The following CACNG4 variants were observed in gnomAD, a reference collection of about 807,000 sequenced individuals.
CACNG4 encodes the protein calcium voltage-gated channel auxiliary subunit gamma 4.
Under a neutral mutation model 22.9 loss-of-function variants are expected in CACNG4, and 8 were observed. The observed-to-expected ratio is 0.35, with a 90% CI of 0.21 to 0.63. The LOEUF is 0.63. Ranked by LOEUF, CACNG4 falls within the 30% of genes least tolerant of loss-of-function variation. The pLI, the probability that CACNG4 is intolerant of heterozygous loss-of-function variation, is 0.72. For synonymous variants in CACNG4, 188 were observed against 191.9 expected, an observed-to-expected ratio of 0.98 and a Z score of 0.17; for missense variants, 357 against 455.4, an observed-to-expected ratio of 0.78 and a Z score of 1.97.
At chr17:67,024,819 C>A in intron 2 of CACNG4, 41 bp from the exon 3 acceptor site, 1 of 1,461,182 alleles carries the variant, frequency 6.8e-7, no homozygotes, top group Admixed American at 2.4e-5. Context: ...GGCACCTGAT[C>A]TCACTGCCCT....
At position 66,965,028 on chromosome 17, in the gene CACNG4, C is replaced by A; in HGVS notation, c.117C>A (p.His39Gln). ...GTDYWLYSSAHICNGTNLTMD... is the reference protein window; with the variant it reads ...GTDYWLYSSAQICNGTNLTMD... ...ACTACTGGCTGTACTCCAGCGCGCA[C>A]ATCTGCAACGGCACCAACCTGACCA... is the stretch of plus-strand genomic sequence containing the variant. The change falls in exon 1 of 4, where the codon CAC (histidine) becomes CAA (glutamine). Residue 39 changes from histidine to glutamine, a missense_variant. Physicochemically the swap from His to Gln is conservative, Grantham distance 24. This residue lies in a region of CACNG4 where 114 missense variants were observed against 161.6 expected (regional missense o/e 0.71). Coordinates refer to ENST00000262138, the MANE Select transcript of CACNG4 (RefSeq NM_014405.4). 5 of 1,611,316 alleles carry A rather than the reference C, an allele frequency of 3.1e-6. No homozygotes were observed. Among genetic ancestry groups the A allele is most frequent in the Non-Finnish European group, 4.2e-6 (5 of 1,179,224 alleles).
chr17:66,997,914 C>A (rs2035385115), intron 1 of CACNG4, among the ~76,000 whole-genome samples: 2 of 152,030 alleles, frequency 1.3e-5, no homozygotes, highest in African/African-American at 4.8e-5. Context: ...AAGCTGCACA[C>A]CCCTGAGAAG....
chr17:67,002,274 A>G lies in CACNG4; in HGVS notation c.221-15915A>G, dbSNP rs2035412871. Among the ~76,000 whole-genome samples, 8 of 152,204 alleles carry G rather than the reference A, an allele frequency of 5.3e-5. 1 individual carries two copies. In the South Asian group the frequency reaches 1.7e-3, roughly 32 times the overall value. On this transcript the variant is annotated intron_variant, in intron 1 of 3. Transcript: ENST00000262138. ...ATCAGATCTAATAGACTTATTCACT[A>G]TCACGAGAACAGCATGGGAAAGACC...
intron 3 of CACNG4, among the ~76,000 whole-genome samples, chr17:67,028,628 G>A (rs758353157): frequency 1.8e-4 from 27 of 152,192 alleles, no homozygotes; most frequent in Non-Finnish European, 3.8e-4. Flanking sequence ...TGTGTGCTGG[G>A]TGCTGTTGTG....
chr17:66,972,260 G>A (rs117382128), intron 1 of CACNG4, among the ~76,000 whole-genome samples: 329 of 152,290 alleles, frequency 2.2e-3, no homozygotes, highest in Middle Eastern at 0.017. Context: ...CAGTTCCATA[G>A]AGCATAACTC....
chr17:66,981,342 C>T (rs1477366939), intron 1 of CACNG4, among the ~76,000 whole-genome samples: 1 of 152,230 alleles, frequency 6.6e-6, no homozygotes, highest in East Asian at 1.9e-4. Context: ...TTCCTTTCTT[C>T]TTGCTCAGTC....
In CACNG4 at chr17:67,021,200, TAAA is replaced by T. The variant is rs35981016; in HGVS notation, c.304+2941_304+2943del. On this transcript the variant is annotated intron_variant, in intron 2 of 3. Coordinates refer to ENST00000262138, the MANE Select transcript of CACNG4 (RefSeq NM_014405.4). ...TGCATGACAGAGCAAGACCCCATCT[TAAA>T]AAAAAAAAAAAAGTTATTGTGGGCC... Among the ~76,000 whole-genome samples the T allele has an allele frequency of 1.4e-3, 201 of 142,070 alleles. 1 individual carries two copies. The highest frequency in any genetic ancestry group is 5.1e-3 in the African/African-American group (198 of 38,634). The allele number at this position is 142,070 out of a possible 152,430, so 93.2% of individuals were successfully genotyped here.
rs181691632 is a variant in CACNG4 at position 67,024,126 on chromosome 17, A to G, written c.305-734A>G. On this transcript the variant is annotated intron_variant, in intron 2 of 3. Coordinates refer to ENST00000262138, the MANE Select transcript of CACNG4 (RefSeq NM_014405.4). ...TCTGTGGACACTGTGGGTCACGAGC[A>G]TCCCTCTCGGCCCAGCCACACCTCC... 3.5e-4 allele frequency among the ~76,000 whole-genome samples: 54 copies of G among 152,256 alleles called. No homozygotes were observed. In the East Asian group the frequency reaches 0.01, roughly 28 times the overall value.
At chr17:67,016,400 T>C (rs758616345) in intron 1 of CACNG4, among the ~76,000 whole-genome samples, 3 of 151,810 alleles carry the variant, frequency 2.0e-5, no homozygotes, top group Non-Finnish European at 2.9e-5. Context: ...CACTGAACAC[T>C]CCAGCTCCTT....
rs1481213269 is a variant in CACNG4, at chr17:66,984,785, A to C, written c.220+19654A>C. Among the ~76,000 whole-genome samples, 1 of 152,128 alleles carries C rather than the reference A, an allele frequency of 6.6e-6. No individual in the cohort carries two copies. Among genetic ancestry groups the C allele is most frequent in the Non-Finnish European group, 1.5e-5 (1 of 68,024 alleles). ...TTCTGTCACCCTGGATTCTTCACCC[A>C]GAAGGCGAAGCAGCAGGGGCAGAGT... On this transcript the variant is annotated intron_variant, in intron 1 of 3. Coordinates refer to ENST00000262138, the MANE Select transcript of CACNG4 (RefSeq NM_014405.4). The surrounding 1 kb of genome is among the most constrained non-coding windows in gnomAD (Gnocchi z 4.0).
intron 1 of CACNG4, among the ~76,000 whole-genome samples, chr17:66,987,897 C>T (rs1326252220): frequency 6.6e-6 from 1 of 152,004 alleles, no homozygotes; most frequent in Non-Finnish European, 1.5e-5. Flanking sequence ...CTGTTGGTCT[C>T]TGTGTGCCGG....
intron 1 of CACNG4, among the ~76,000 whole-genome samples, chr17:67,004,180 T>G (rs1157061449): frequency 6.6e-6 from 1 of 152,176 alleles, no homozygotes; most frequent in Non-Finnish European, 1.5e-5. Context: ...GTACTGAGGT[T>G]TCATCCAAGC....
Sources: gnomAD v4.1 joint callset for allele counts (sites outside exome capture counted in the v4.1 genomes callset) on GRCh38, gnomAD v4.1.1 for gene constraint, gnomAD v4.1.1 regional missense constraint, Gnocchi (gnomAD v3.1) non-coding constraint, MANE v1.5 for transcripts, NCBI Gene and HGNC (gene_info 2026-07-23, HGNC 2026-07-21) for gene names.